The following POLR1A variants were observed in gnomAD, a reference collection of about 807,000 sequenced individuals.
POLR1A encodes DNA-directed RNA polymerase I subunit RPA1.
Under a neutral mutation model 205.3 loss-of-function variants are expected in POLR1A, and 84 were observed. That is an observed-to-expected ratio of 0.41 (90% CI 0.34 to 0.49). POLR1A has a LOEUF of 0.49. POLR1A is among the 20% of genes least tolerant of loss of function. POLR1A has a pLI of 0.22. For synonymous variants in POLR1A, 799 were observed against 863.7 expected (o/e 0.93, Z 1.31); for missense variants, 1,645 against 2,204.5 (o/e 0.75, Z 5.08).
At chr2:86,074,999 T>G in intron 12 of POLR1A, 31 bp downstream of exon 12, 2 of 1,469,500 alleles carry the variant, frequency 1.4e-6, no homozygotes, top group Non-Finnish European at 1.9e-6. Flanking sequence ...AGGAGCCGGA[T>G]GGGTCCCTGA....
rs1326474600 is a variant in POLR1A at position 86,032,305 on chromosome 2, A to G, written c.4239T>C (p.Ser1413=). ...AEAEEGDADA[S]DAKRKEKQEE... ...CCTGCTTCTCCTTGCGTTTGGCATC[A>G]GAGGCATCGGCGTCCCCCTCCTCAG... The change falls in exon 29 of 34, where the codon TCT becomes TCC. Residue 1413 remains serine (S), a synonymous_variant. Coordinates refer to ENST00000263857, the MANE Select transcript of POLR1A (RefSeq NM_015425.6). The G allele has an allele frequency of 8.7e-6, 14 of 1,613,304 alleles. No homozygotes were observed. The highest frequency in any genetic ancestry group is 1.3e-5 in the African/African-American group (1 of 74,906).
rs771621972 is a variant in POLR1A, at chr2:86,031,611, C to T, written c.4297G>A (p.Glu1433Lys). ...EEVDYESEEE[E>K]EREGEENDDE... ...TCGTTCTCCTCGCCCTCCCTCTCCTCCTCTTCCTCACTCTCATAATCAACC... is the reference window on the plus strand; with the variant it reads ...TCGTTCTCCTCGCCCTCCCTCTCCTTCTCTTCCTCACTCTCATAATCAACC... The change falls in exon 30 of 34, where the codon GAG (glutamate) becomes AAG (lysine). Residue 1433 changes from glutamate to lysine, a missense_variant. Transcript: ENST00000263857. 6.2e-7 allele frequency: 1 copy of T among 1,612,876 alleles called. No homozygotes were observed. Among genetic ancestry groups the T allele is most frequent in the Non-Finnish European group, 8.5e-7 (1 of 1,179,052 alleles).
intron 24 of POLR1A, 31 bp downstream of exon 24, chr2:86,041,858 C>A (rs772112056): frequency 1.3e-5 from 21 of 1,576,098 alleles, no homozygotes; most frequent in Non-Finnish European, 1.8e-5. Context: ...GATTCTCCTG[C>A]ACATGTTGTG....
At chr2:86,071,227 CATGTGTGTGT>C (rs56341208) in intron 12 of POLR1A, among the ~76,000 whole-genome samples, 123,904 of 147,240 alleles carry the variant, frequency 0.84, 51,640 homozygotes, top group Non-Finnish European at 0.9. Context: ...TCTCCGTGTG[CATGTGTGTGT>C]GTGTGTGTGT....
In POLR1A at chr2:86,088,648, T is replaced by G; in HGVS notation, c.648A>C (p.Arg216=). 1 of 1,614,032 alleles carries G rather than the reference T, an allele frequency of 6.2e-7. No individual in the cohort carries two copies. The highest frequency in any genetic ancestry group is 8.5e-7 in the Non-Finnish European group (1 of 1,179,872). ...TAGTCAACTTGCTGTTGTGTTCCTT[T>G]CGGACAACGGATCGCCCGGTCCTGT... is the stretch of plus-strand genomic sequence containing the variant. ...PHCKTGRSVV[R]KEHNSKLTIT... Residue 216 remains arginine (R), a synonymous_variant, in exon 6 of 34, where the codon CGA becomes CGC. Coordinates refer to ENST00000263857, the MANE Select transcript of POLR1A (RefSeq NM_015425.6).
At chr2:86,089,091 A>G (rs150449957) in intron 4 of POLR1A, among the ~76,000 whole-genome samples, 1 of 152,378 alleles carries the variant, frequency 6.6e-6, no homozygotes, top group East Asian at 1.9e-4. Context: ...TATGGGAATA[A>G]GAATAGTAAC....
At chr2:86,089,674 G>A (rs1673566614) in intron 4 of POLR1A, 148 bp downstream of exon 4, 1 of 611,616 alleles carries the variant, frequency 1.6e-6, no homozygotes, top group African/African-American at 1.8e-5. Context: ...TGTGTAATTT[G>A]TGAGGTTGCA....
intron 33 of POLR1A, 67 bp downstream of exon 33, chr2:86,027,818 A>G: frequency 6.4e-7 from 1 of 1,551,324 alleles, no homozygotes; most frequent in Non-Finnish European, 8.9e-7. Flanking sequence ...AAAGATGCCC[A>G]TGGGTGAGCC....
At chr2:86,069,567 C>G (rs1192447228) in intron 13 of POLR1A, among the ~76,000 whole-genome samples, 1 of 152,202 alleles carries the variant, frequency 6.6e-6, no homozygotes, top group East Asian at 1.9e-4. Flanking sequence ...GATGCCTTCA[C>G]GGGCTGCTGC....
intron 9 of POLR1A, among the ~76,000 whole-genome samples, chr2:86,079,596 T>G (rs551883601): frequency 2.5e-4 from 38 of 151,982 alleles, no homozygotes; most frequent in Non-Finnish European, 4.4e-4. Context: ...GGGGTCTAAC[T>G]CTGTTACCCA....
chr2:86,028,617 A>T lies in POLR1A; in HGVS notation c.4874T>A (p.Ile1625Asn), dbSNP rs1220814121. The T allele has an allele frequency of 1.2e-6, 2 of 1,613,828 alleles. No individual in the cohort carries two copies. The highest frequency in any genetic ancestry group is 8.5e-7 in the Non-Finnish European group (1 of 1,179,724). Residue 1625 changes from isoleucine to asparagine, a missense_variant, in exon 32 of 34, where the codon ATC becomes AAC. Ile to Asn is a moderately radical substitution (Grantham distance 149, BLOSUM62 -3). Coordinates refer to ENST00000263857, the MANE Select transcript of POLR1A (RefSeq NM_015425.6). The surrounding 1 kb of genome is among the most constrained non-coding windows in gnomAD (Gnocchi z 4.5). ...ACCATACACGGCAAACACATCCTTG[A>T]TCTCCTTCTCGATCACCCGCAGCGC... The part of the protein sequence containing the change: ...EAALRVIEKE[I>N]KDVFAVYGIA...
intron 24 of POLR1A, among the ~76,000 whole-genome samples, chr2:86,041,183 GTGT>G (rs1558765357): frequency 4.4e-5 from 4 of 90,274 alleles, no homozygotes; most frequent in African/African-American, 1.6e-4. Flanking sequence ...GTGTGTGTGT[GTGT>G]GTGTGCGCGC....
At chr2:86,101,036 A>G (rs1168286978) in intron 1 of POLR1A, among the ~76,000 whole-genome samples, 3 of 152,208 alleles carry the variant, frequency 2.0e-5, no homozygotes, top group African/African-American at 4.8e-5. Flanking sequence ...ATGTGATGCA[A>G]CAATCCCTGT....
chr2:86,023,759 T>TG lies in POLR1A; in HGVS notation c.*3663_*3664insC, dbSNP rs1573795743. 1 of 151,708 alleles carries TG rather than the reference T, an allele frequency of 6.6e-6. No homozygotes were observed. Among genetic ancestry groups the TG allele is most frequent in the African/African-American group, 2.4e-5 (1 of 41,412 alleles). 9.4% of individuals were successfully genotyped at this position (151,708 alleles called of 1,614,324 possible). On this transcript the variant is annotated 3_prime_UTR_variant, in exon 34 of 34. Coordinates refer to ENST00000263857, the MANE Select transcript of POLR1A (RefSeq NM_015425.6). ...AAAGCAGGGTCTGAGTTTTTGTTTTTTTTTTTTTTTGAGACGGAATCTCAC... is the reference window on the plus strand; with the variant it reads ...AAAGCAGGGTCTGAGTTTTTGTTTTTGTTTTTTTTTTGAGACGGAATCTCAC...
chr2:86,105,654 C>G (rs1673913196), intron 1 of POLR1A, 46 bp downstream of exon 1: 1 of 1,349,032 alleles, frequency 7.4e-7, no homozygotes, highest in Non-Finnish European at 1.1e-6. Flanking sequence ...TTTAGGGCGC[C>G]GACCTCAAGA....
rs575933519 is a variant in POLR1A at position 86,054,421 on chromosome 2, G to T, written c.2059-132C>A. 4 of 811,888 alleles carry T rather than the reference G, an allele frequency of 4.9e-6. No homozygotes were observed. In the South Asian group the frequency reaches 7.0e-5, roughly 14 times the overall value. 50.3% of individuals were successfully genotyped at this position (811,888 alleles called of 1,614,324 possible). On this transcript the variant is annotated intron_variant, in intron 14 of 33. Coordinates refer to ENST00000263857, the MANE Select transcript of POLR1A (RefSeq NM_015425.6). ...CTGCCCTTGCAATGCCATTTCTGAT[G>T]ATCTCAGGTATGGCAAGAAAAACAG... is the stretch of plus-strand genomic sequence containing the variant.
chr2:86,093,522 A>T (rs769070830), intron 3 of POLR1A, among the ~76,000 whole-genome samples: 1 of 152,064 alleles, frequency 6.6e-6, no homozygotes, highest in Non-Finnish European at 1.5e-5. Flanking sequence ...AATTTTGCCA[A>T]CTCCTTTAAT....
At chr2:86,074,390 A>T (rs1054882549) in intron 12 of POLR1A, among the ~76,000 whole-genome samples, 1 of 152,088 alleles carries the variant, frequency 6.6e-6, no homozygotes, top group South Asian at 2.1e-4. Context: ...CCCTCCAACA[A>T]CTGCTGCCAC....
rs1263407861 is a variant in POLR1A at position 86,021,742 on chromosome 2, G to C, written c.*5681C>G. ...TGCCTGGGACACAGTGGAGATCAAG[G>C]TTGGATGGATGCAGCATGGGGGAGG... is the stretch of plus-strand genomic sequence containing the variant. On this transcript the variant is annotated 3_prime_UTR_variant, in exon 34 of 34. Coordinates refer to ENST00000263857, the MANE Select transcript of POLR1A (RefSeq NM_015425.6). The C allele has an allele frequency of 6.6e-6, 1 of 152,374 alleles. No individual in the cohort carries two copies. The highest frequency in any genetic ancestry group is 1.5e-5 in the Non-Finnish European group (1 of 68,146). The allele number at this position is 152,374 out of a possible 1,614,324, so 9.4% of individuals were successfully genotyped here. A position where few individuals can be genotyped will look rare whatever the true frequency, so the allele number is the denominator to read the frequency against.
Sources: gnomAD v4.1 joint callset for allele counts (sites outside exome capture counted in the v4.1 genomes callset) on GRCh38, gnomAD v4.1.1 for gene constraint, Gnocchi (gnomAD v3.1) non-coding constraint, MANE v1.5 for transcripts, NCBI Gene and HGNC (gene_info 2026-07-23, HGNC 2026-07-21) for gene names.